Variants in CEP85L observed in about 807,000 individuals in gnomAD.
The protein encoded by CEP85L is centrosomal protein of 85 kDa-like.
A neutral mutation model predicts 100.3 loss-of-function variants in CEP85L; 60 were observed. That is an observed-to-expected ratio of 0.60 (90% CI 0.49 to 0.74). CEP85L has a LOEUF of 0.74. Ranked by LOEUF, CEP85L falls within the 30% of genes least tolerant of loss-of-function variation. The probability of loss-of-function intolerance (pLI) is 0.00; values close to 1 mark genes in which losing one functional copy is unlikely to be tolerated. For missense variants in CEP85L, 973 were observed against 936.2 expected, an observed-to-expected ratio of 1.04 and a Z score of -0.51; for synonymous variants, 319 against 322.7, an observed-to-expected ratio of 0.99 and a Z score of 0.12.
At chr6:118,573,449 G>A (rs1309327816) in intron 2 of CEP85L, among the ~76,000 whole-genome samples, 2 of 152,150 alleles carry the variant, frequency 1.3e-5, no homozygotes, top group African/African-American at 4.8e-5. Context: ...AATGAATAAT[G>A]AATTCTGAGT....
At chr6:118,671,774 C>T (rs1776312879) in intron 1 of CEP85L, among the ~76,000 whole-genome samples, 1 of 152,070 alleles carries the variant, frequency 6.6e-6, no homozygotes, top group South Asian at 2.1e-4. Flanking sequence ...CCCGTCTCTA[C>T]TAAAAATACA....
At chr6:118,618,182 G>A (rs958503891) in intron 2 of CEP85L, among the ~76,000 whole-genome samples, 4 of 152,182 alleles carry the variant, frequency 2.6e-5, no homozygotes, top group African/African-American at 9.7e-5. Context: ...GGGTTACTAA[G>A]CGTGAGACAG....
chr6:118,590,474 T>C (rs1257786056), intron 2 of CEP85L, among the ~76,000 whole-genome samples: 2 of 152,108 alleles, frequency 1.3e-5, no homozygotes, highest in African/African-American at 4.8e-5. Flanking sequence ...CCCATGTGTA[T>C]AGAACATCAT....
intron 3 of CEP85L, among the ~76,000 whole-genome samples, chr6:118,533,919 AC>A (rs879814857): frequency 4.9e-4 from 74 of 152,142 alleles, no homozygotes; most frequent in Admixed American, 2.4e-3. Context: ...ACATGGTGAA[AC>A]CCCGTCTCTA....
At chr6:118,601,832 T>C (rs1323614196) in intron 2 of CEP85L, among the ~76,000 whole-genome samples, 2 of 152,174 alleles carry the variant, frequency 1.3e-5, no homozygotes, top group Non-Finnish European at 2.9e-5. Flanking sequence ...GTAAATCTCG[T>C]CGCCATTTTG....
intron 3 of CEP85L, among the ~76,000 whole-genome samples, chr6:118,524,230 G>A (rs879941383): frequency 6.6e-6 from 1 of 152,144 alleles, no homozygotes; most frequent in Non-Finnish European, 1.5e-5. Flanking sequence ...GGAGGCCGAG[G>A]TCAGGAGATC....
At chr6:118,586,497 AGG>A (rs1351936643) in intron 2 of CEP85L, among the ~76,000 whole-genome samples, 12 of 152,068 alleles carry the variant, frequency 7.9e-5, no homozygotes, top group African/African-American at 2.9e-4. Flanking sequence ...AGCCCAACCT[AGG>A]AAGGGCCTCA....
chr6:118,589,943 T>G (rs1268327711), intron 2 of CEP85L, among the ~76,000 whole-genome samples: 7 of 152,212 alleles, frequency 4.6e-5, no homozygotes, highest in Non-Finnish European at 1.0e-4. Flanking sequence ...AAAACAAGTA[T>G]TGTCAGGTAT....
At chr6:118,516,498 G>C (rs1382971782) in intron 4 of CEP85L, among the ~76,000 whole-genome samples, 5 of 152,206 alleles carry the variant, frequency 3.3e-5, no homozygotes, top group Non-Finnish European at 7.3e-5. Flanking sequence ...TTTCTCTAAT[G>C]ATCAGTGATG....
intron 10 of CEP85L, among the ~76,000 whole-genome samples, chr6:118,474,780 C>T (rs1053547643): frequency 2.6e-5 from 4 of 152,298 alleles, no homozygotes; most frequent in African/African-American, 9.6e-5. Context: ...TCATTTGCAA[C>T]AGTGTGATGA....
chr6:118,494,057 C>G (rs910706783), intron 5 of CEP85L, among the ~76,000 whole-genome samples: 6 of 152,128 alleles, frequency 3.9e-5, no homozygotes, highest in Non-Finnish European at 7.4e-5. Flanking sequence ...ACAGGGCAAA[C>G]TGCTGCCTCC....
intron 8 of CEP85L, among the ~76,000 whole-genome samples, chr6:118,481,157 A>AAGTTAGAAAT (rs1773752606): frequency 2.0e-5 from 3 of 152,044 alleles, no homozygotes; most frequent in African/African-American, 7.2e-5. Context: ...AATAGGAGCC[A>AAGTTAGAAAT]ATCACTTCAA....
chr6:118,482,667 G>T (rs1477562957), intron 7 of CEP85L, among the ~76,000 whole-genome samples: 1 of 152,156 alleles, frequency 6.6e-6, no homozygotes, highest in African/African-American at 2.4e-5. Context: ...AAACATGGGT[G>T]TACAAACATC....
chr6:118,522,378 C>G (rs1452766464), intron 4 of CEP85L, among the ~76,000 whole-genome samples: 1 of 152,020 alleles, frequency 6.6e-6, no homozygotes, highest in African/African-American at 2.4e-5. Context: ...TAAAATTGCA[C>G]CTATATTAAA....
intron 10 of CEP85L, among the ~76,000 whole-genome samples, chr6:118,477,022 T>C (rs1489562441): frequency 6.6e-6 from 1 of 152,186 alleles, no homozygotes; most frequent in Non-Finnish European, 1.5e-5. Context: ...CTCAATCACA[T>C]TCTGACTGCA....
chr6:118,609,721 G>T (rs1772481561), intron 2 of CEP85L, among the ~76,000 whole-genome samples: 1 of 152,040 alleles, frequency 6.6e-6, no homozygotes, highest in Non-Finnish European at 1.5e-5. Context: ...AAATATTGAA[G>T]TAGAATGTAC....
chr6:118,510,052 G>T (rs1468027791), intron 5 of CEP85L, among the ~76,000 whole-genome samples: 2 of 152,042 alleles, frequency 1.3e-5, no homozygotes, highest in African/African-American at 4.8e-5. Context: ...AATTTAGAAG[G>T]AATAGACAAA....
rs114921920 is a variant in CEP85L, at chr6:118,589,660, A to C, written c.233-23344T>G. 2.1e-3 allele frequency: 601 copies of C among 288,748 alleles called. 4 individuals carry two copies. The highest frequency in any genetic ancestry group is 0.013 in the African/African-American group (567 of 43,886). 17.9% of individuals were successfully genotyped at this position (288,748 alleles called of 1,614,324 possible). On this transcript the variant is annotated intron_variant, in intron 2 of 12. Transcript: ENST00000368491. ...ATAACTCCCCTCAGGGATAGGATGC[A>C]AGCCCATGATGAGAAGCAGAAACTG...
chr6:118,540,405 T>G (rs192446619), intron 3 of CEP85L, among the ~76,000 whole-genome samples: 7 of 152,262 alleles, frequency 4.6e-5, no homozygotes, highest in Admixed American at 4.6e-4. Flanking sequence ...GTAAGAAATA[T>G]CTACACTTAA....
Sources: allele counts gnomAD v4.1 joint callset (sites outside exome capture counted in the v4.1 genomes callset), GRCh38; gene constraint gnomAD v4.1.1; transcripts MANE v1.5; gene names NCBI Gene and HGNC (gene_info 2026-07-23, HGNC 2026-07-21).